Variants in PCF11 observed in about 807,000 individuals in gnomAD.
PCF11 encodes pre-mRNA cleavage complex 2 protein Pcf11.
In PCF11, 19 loss-of-function variants were observed where a neutral mutation model predicts 166.1. The observed-to-expected ratio is 0.11, with a 90% CI of 0.08 to 0.17. The LOEUF (loss-of-function observed/expected upper bound fraction) is 0.17, where lower values mean the gene tolerates loss of function less well. PCF11 is among the 10% of genes least tolerant of loss of function. PCF11 has a pLI of 1.00. For synonymous variants in PCF11, 663 were observed against 644.1 expected, an observed-to-expected ratio of 1.03 and a Z score of -0.44; for missense variants, 1,565 against 1,855.5, an observed-to-expected ratio of 0.84 and a Z score of 2.88.
intron 4 of PCF11, 99 bp from the exon 5 acceptor site, chr11:83,165,501 T>C: frequency 1.3e-6 from 1 of 794,908 alleles, no homozygotes; most frequent in African/African-American, 1.7e-5. Flanking sequence ...TGAGTAAATA[T>C]ATTTATTGAA....
chr11:83,168,829 C>G (rs759268836), exon 8 of PCF11: 2 of 1,613,656 alleles, frequency 1.2e-6, no homozygotes, highest in Non-Finnish European at 1.7e-6. Context: ...GGGGACACCT[C>G]TGCGGTTTGA....
chr11:83,183,388 A>C (rs138880157), intron 15 of PCF11, among the ~76,000 whole-genome samples: 1 of 152,332 alleles, frequency 6.6e-6, no homozygotes, highest in African/African-American at 2.4e-5. Context: ...GGAAAAGTGA[A>C]GATAAGGATC....
intron 2 of PCF11, 65 bp downstream of exon 2, chr11:83,161,517 T>C (rs1458613503): frequency 2.5e-5 from 32 of 1,291,662 alleles, no homozygotes; most frequent in East Asian, 7.9e-5. Flanking sequence ...TAAATAAATA[T>C]TTGCTTTGTG....
At chr11:83,162,267 T>A (rs1860285509) in intron 2 of PCF11, among the ~76,000 whole-genome samples, 1 of 152,228 alleles carries the variant, frequency 6.6e-6, no homozygotes, top group East Asian at 1.9e-4. Flanking sequence ...AGTTATTATA[T>A]TTTAGTAGAT....
exon 1 of PCF11, chr11:83,157,140 A>C: frequency 1.8e-6 from 1 of 551,568 alleles, no homozygotes; most frequent in Non-Finnish European, 3.2e-6. Context: ...CGCACGACGC[A>C]GCGGTTGGGA....
At chr11:83,185,278 G>C (rs1861244476) in exon 16 of PCF11, 1 of 156,174 alleles carries the variant, frequency 6.4e-6, no homozygotes, top group Non-Finnish European at 1.4e-5. Context: ...GAATTGAACA[G>C]CAACCTCAAC....
chr11:83,185,077 T>A, exon 16 of PCF11: 1 of 492,812 alleles, frequency 2.0e-6, no homozygotes, highest in Admixed American at 4.3e-5. Context: ...CCTGCAGAGT[T>A]TCAGGTGCTT....
chr11:83,165,876 A>C (rs1447809791), exon 5 of PCF11: 1 of 1,605,484 alleles, frequency 6.2e-7, no homozygotes, highest in Non-Finnish European at 8.5e-7. Flanking sequence ...CCAGTCTGAT[A>C]CTAAGACAAG....
chr11:83,170,583 T>C (rs2135430740), intron 8 of PCF11, among the ~76,000 whole-genome samples: 1 of 152,362 alleles, frequency 6.6e-6, no homozygotes, highest in East Asian at 1.9e-4. Context: ...AAACATGCAC[T>C]GTTACCTGTT....
At chr11:83,180,611 T>A (rs901422605) in intron 11 of PCF11, 1 of 153,416 alleles carries the variant, frequency 6.5e-6, no homozygotes, top group Non-Finnish European at 1.5e-5. Flanking sequence ...TACACCAGAG[T>A]GGAGAAGTTG....
At chr11:83,166,600 A>C in exon 5 of PCF11, 1 of 1,613,984 alleles carries the variant, frequency 6.2e-7, no homozygotes, top group Non-Finnish European at 8.5e-7. Flanking sequence ...CGACCACAAG[A>C]AACTACAAAT....
At chr11:83,184,236 G>A (rs1861191150) in intron 15 of PCF11, 1 of 154,064 alleles carries the variant, frequency 6.5e-6, no homozygotes, top group African/African-American at 2.4e-5. Flanking sequence ...TAGGTTTTTA[G>A]AGATAATGGG....
At chr11:83,166,403 A>C in exon 5 of PCF11, 1 of 1,613,964 alleles carries the variant, frequency 6.2e-7, no homozygotes, top group African/African-American at 1.3e-5. Flanking sequence ...ATAGGCGGTC[A>C]CCCAAACGAA....
intron 9 of PCF11, 148 bp downstream of exon 9, chr11:83,172,062 T>G: frequency 1.6e-6 from 1 of 607,756 alleles, no homozygotes. Context: ...TTTTGTTCCT[T>G]TTCTAAGTTT....
Position 83,181,483 on chromosome 11 carries a change from T to C in PCF11, c.4167+292T>C, listed in dbSNP as rs1037024826. Among the ~76,000 whole-genome samples the C allele has an allele frequency of 1.1e-4, 16 of 150,520 alleles. No individual in the cohort carries two copies. In the East Asian group the frequency reaches 3.1e-3, roughly 29 times the overall value. On this transcript the variant is annotated intron_variant, in intron 12 of 15. Transcript: ENST00000298281. ...GTCCAAGGCTTTGACCCCTGGAATA[T>C]AAACACATTTTTTAAAAAATGAATT...
At chr11:83,183,063 A>G in exon 15 of PCF11, 1 of 1,470,622 alleles carries the variant, frequency 6.8e-7, no homozygotes, top group Non-Finnish European at 9.4e-7. Context: ...TGTTATGAAG[A>G]TTATCAAAAT....
intron 1 of PCF11, among the ~76,000 whole-genome samples, chr11:83,159,246 C>T (rs1384991960): frequency 6.6e-6 from 1 of 151,964 alleles, no homozygotes; most frequent in Non-Finnish European, 1.5e-5. Flanking sequence ...TCGTCATACT[C>T]AACATGCTTT....
At chr11:83,186,688 T>G (rs1861302401) in exon 16 of PCF11, 1 of 152,240 alleles carries the variant, frequency 6.6e-6, no homozygotes, top group African/African-American at 2.4e-5. Context: ...AATACAATTT[T>G]AGAGATTGCT....
At chr11:83,171,186 G>GT (rs1325556881) in intron 8 of PCF11, 5 of 398,790 alleles carry the variant, frequency 1.3e-5, no homozygotes, top group African/African-American at 2.1e-5. Context: ...TGACTATTCT[G>GT]TTTTTTAACA....
Sources: allele counts gnomAD v4.1 joint callset (sites outside exome capture counted in the v4.1 genomes callset), GRCh38; gene constraint gnomAD v4.1.1; transcripts MANE v1.5; gene names NCBI Gene and HGNC (gene_info 2026-07-23, HGNC 2026-07-21).